Variants in SOX6 observed in about 807,000 individuals in gnomAD.
SOX6 encodes the protein transcription factor SOX-6.
SOX6 carries 11 observed loss-of-function variants against 97.8 expected under a neutral mutation model. The observed-to-expected ratio is 0.11, with a 90% CI of 0.07 to 0.19. The LOEUF (loss-of-function observed/expected upper bound fraction) is 0.19, where lower values mean the gene tolerates loss of function less well. Among genes scored for constraint, SOX6 ranks in the 10% least tolerant of loss-of-function variants. SOX6 has a pLI of 1.00. For missense variants in SOX6, 810 were observed against 1,039.5 expected (o/e 0.78, Z 3.04); for synonymous variants, 360 against 371.4 (o/e 0.97, Z 0.35).
intron 15 of SOX6, among the ~76,000 whole-genome samples, chr11:15,976,302 G>A (rs996778349): frequency 6.6e-6 from 1 of 152,176 alleles, no homozygotes; most frequent in Non-Finnish European, 1.5e-5. Flanking sequence ...AATCCCAGCT[G>A]CACCAGTTAC....
intron 3 of SOX6, among the ~76,000 whole-genome samples, chr11:16,304,731 T>C (rs754567567): frequency 6.6e-6 from 1 of 152,164 alleles, no homozygotes; most frequent in Non-Finnish European, 1.5e-5. Flanking sequence ...GCTGGTTTTT[T>C]GTTTTGTTCT....
At chr11:15,978,904 A>AT (rs1491447384) in intron 15 of SOX6, among the ~76,000 whole-genome samples, 1 of 137,564 alleles carries the variant, frequency 7.3e-6, no homozygotes, top group Non-Finnish European at 1.6e-5. Context: ...ATTATATATA[A>AT]TATATATAAG....
At chr11:16,119,333 C>G (rs916086788) in intron 6 of SOX6, among the ~76,000 whole-genome samples, 1 of 152,076 alleles carries the variant, frequency 6.6e-6, no homozygotes, top group African/African-American at 2.4e-5. Flanking sequence ...TAACAGAAAC[C>G]CTTTTAGTCT....
At chr11:16,255,159 A>T (rs1590067652) in intron 3 of SOX6, among the ~76,000 whole-genome samples, 1 of 152,082 alleles carries the variant, frequency 6.6e-6, no homozygotes, top group Non-Finnish European at 1.5e-5. Context: ...TCACTATTAT[A>T]GTTGAAGATT....
In SOX6 at chr11:16,055,849, A is replaced by T. The variant is rs759342888; in HGVS notation, c.1154T>A (p.Met385Lys). Residue 385 changes from methionine (M) to lysine (K), a missense_variant, in exon 10 of 16, where the codon ATG (methionine) becomes AAG (lysine). Physicochemically the swap from Met to Lys is moderately conservative, Grantham distance 95 (BLOSUM62 -1). This residue lies in a region of SOX6 where 244 missense variants were observed against 261.0 expected (regional missense o/e 0.93). Transcript: ENST00000683767. Reference sequence around the variant, plus strand: ...GTTTGGTGGCTGTGGAGTTGATGGCATCTTTGCTCCAGGTGACACCTGCAT... The same window carrying T: ...GTTTGGTGGCTGTGGAGTTGATGGCTTCTTTGCTCCAGGTGACACCTGCAT... The part of the protein sequence containing the change: ...ASMQVSPGAK[M>K]PSTPQPPNTA... 1 of 1,613,778 alleles carries T rather than the reference A, an allele frequency of 6.2e-7. No individual in the cohort carries two copies. The highest frequency in any genetic ancestry group is 1.3e-5 in the African/African-American group (1 of 75,006).
intron 4 of SOX6, among the ~76,000 whole-genome samples, chr11:16,556,783 A>C (rs1198336781): frequency 6.6e-6 from 1 of 151,792 alleles, no homozygotes; most frequent in Non-Finnish European, 1.5e-5. Context: ...AAAGAGCATG[A>C]AAAGTTAATT....
Position 16,198,079 on chromosome 11 carries a change from G to A in SOX6, c.536-11124C>T, listed in dbSNP as rs185642160. Among the ~76,000 whole-genome samples, 844 of 151,418 alleles carry A rather than the reference G, an allele frequency of 5.6e-3. 9 individuals carry two copies. Among genetic ancestry groups the A allele is most frequent in the Middle Eastern group, 0.02 (6 of 294 alleles). On this transcript the variant is annotated intron_variant, in intron 4 of 15. Transcript: ENST00000683767. ...GTTGTTGTTGTTGTTTTGAGATGGC[G>A]TTTTGCACTTCTTGCCCAAGCTGGA...
intron 3 of SOX6, among the ~76,000 whole-genome samples, chr11:16,623,619 G>T (rs1002646065): frequency 3.9e-5 from 6 of 152,070 alleles, no homozygotes; most frequent in African/African-American, 1.4e-4. Context: ...TGGTTTCTTG[G>T]TCATGAACTC....
intron 6 of SOX6, among the ~76,000 whole-genome samples, chr11:16,112,693 A>G (rs1392593908): frequency 1.3e-5 from 2 of 152,184 alleles, no homozygotes; most frequent in Non-Finnish European, 2.9e-5. Flanking sequence ...TCTTTACTCT[A>G]TATCAGTATT....
intron 3 of SOX6, among the ~76,000 whole-genome samples, chr11:16,257,383 G>A (rs946139209): frequency 6.6e-6 from 1 of 151,858 alleles, no homozygotes; most frequent in Non-Finnish European, 1.5e-5. Flanking sequence ...GAACAGAACA[G>A]AGCGCTCATA....
intron 6 of SOX6, among the ~76,000 whole-genome samples, chr11:16,143,155 A>G (rs985016619): frequency 3.9e-5 from 6 of 152,236 alleles, no homozygotes; most frequent in Non-Finnish European, 8.8e-5. Context: ...CGGATCTCTC[A>G]GCAGAAACTC....
At chr11:16,688,694 C>G (rs1219272631) in intron 3 of SOX6, among the ~76,000 whole-genome samples, 1 of 152,122 alleles carries the variant, frequency 6.6e-6, no homozygotes, top group African/African-American at 2.4e-5. Flanking sequence ...ACCATCATAA[C>G]TATTAATACT....
intron 6 of SOX6, among the ~76,000 whole-genome samples, chr11:16,135,924 C>G (rs1049638619): frequency 1.3e-5 from 2 of 152,176 alleles, no homozygotes; most frequent in Admixed American, 1.3e-4. Context: ...GAAACTGCTA[C>G]AGCTACCCAA....
chr11:16,239,449 A>C (rs1853119757), intron 3 of SOX6, among the ~76,000 whole-genome samples: 1 of 152,042 alleles, frequency 6.6e-6, no homozygotes, highest in Admixed American at 6.6e-5. Context: ...TTCAGACTAC[A>C]CCAAATAAAC....
At chr11:16,370,794 A>G (rs1334217896) in intron 1 of SOX6, among the ~76,000 whole-genome samples, 2 of 151,964 alleles carry the variant, frequency 1.3e-5, no homozygotes, top group Admixed American at 6.6e-5. Context: ...AACAAATCCA[A>G]TCTGTCAGAA....
chr11:16,609,491 G>C (rs1848372785), intron 4 of SOX6, among the ~76,000 whole-genome samples: 1 of 152,214 alleles, frequency 6.6e-6, no homozygotes, highest in South Asian at 2.1e-4. Context: ...ATGCTGATTG[G>C]AGAAATCAGA....
intron 4 of SOX6, among the ~76,000 whole-genome samples, chr11:16,569,280 A>C (rs902736842): frequency 1.3e-5 from 2 of 152,198 alleles, no homozygotes; most frequent in African/African-American, 4.8e-5. Context: ...ATTATATCAA[A>C]ATTAAATAAA....
chr11:16,276,850 C>T (rs1237786044), intron 3 of SOX6, among the ~76,000 whole-genome samples: 7 of 152,174 alleles, frequency 4.6e-5, no homozygotes, highest in Middle Eastern at 3.2e-3. Context: ...CTAATTAATG[C>T]CAGTTTTAGC....
At chr11:16,125,871 G>A (rs570706499) in intron 6 of SOX6, among the ~76,000 whole-genome samples, 17 of 150,168 alleles carry the variant, frequency 1.1e-4, no homozygotes, top group Non-Finnish European at 1.9e-4. Context: ...AGGAAGGAAG[G>A]AAGGAAAGTT....
Sources: gnomAD v4.1 joint callset for allele counts (sites outside exome capture counted in the v4.1 genomes callset) on GRCh38, gnomAD v4.1.1 for gene constraint, gnomAD v4.1.1 regional missense constraint, MANE v1.5 for transcripts, NCBI Gene and HGNC (gene_info 2026-07-23, HGNC 2026-07-21) for gene names.